SERINC2: variants seen among roughly 807,000 people sequenced by gnomAD.
SERINC2 encodes the protein serine incorporator 2, also known as tumor differentially expressed protein 2.
A neutral mutation model predicts 54.2 loss-of-function variants in SERINC2; 56 were observed. The observed-to-expected ratio is 1.03, with a 90% CI of 0.83 to 1.29. The LOEUF is 1.29. Among genes scored for constraint, SERINC2 ranks in the 50% most tolerant of loss-of-function variants. The pLI, the probability that SERINC2 is intolerant of heterozygous loss-of-function variation, is 0.00. For synonymous variants in SERINC2, 272 were observed against 253.1 expected (o/e 1.07, Z -0.71); for missense variants, 614 against 607.4 (o/e 1.01, Z -0.12).
At chr1:31,432,388 C>A (rs1414159462) in intron 8 of SERINC2, among the ~76,000 whole-genome samples, 1 of 152,032 alleles carries the variant, frequency 6.6e-6, no homozygotes, top group Non-Finnish European at 1.5e-5. Context: ...CATCAAGGCT[C>A]ATCACAGAAA....
At chr1:31,416,523 CCTCTT>C (rs1411489126) in intron 1 of SERINC2, among the ~76,000 whole-genome samples, 118 of 152,338 alleles carry the variant, frequency 7.7e-4, no homozygotes, top group African/African-American at 2.5e-3. Flanking sequence ...TTCCGGCTGA[CCTCTT>C]CTCTGCTGTG....
chr1:31,417,137 C>T (rs1406278519), intron 1 of SERINC2, among the ~76,000 whole-genome samples: 3 of 152,168 alleles, frequency 2.0e-5, no homozygotes, highest in Admixed American at 6.6e-5. Flanking sequence ...CTAAGGCACA[C>T]GGTAACTCCA....
intron 1 of SERINC2, chr1:31,414,807 G>C: frequency 1.0e-6 from 1 of 984,886 alleles, no homozygotes; most frequent in Non-Finnish European, 1.2e-6. Flanking sequence ...GGGCTGGCCT[G>C]GGGGTGGAGA....
Position 31,434,069 on chromosome 1 carries a change from G to A in SERINC2, c.1238G>A (p.Gly413Asp). 2 of 1,613,842 alleles carry A rather than the reference G, an allele frequency of 1.2e-6. No individual in the cohort carries two copies. The highest frequency in any genetic ancestry group is 4.5e-5 in the East Asian group (2 of 44,882). The part of the protein sequence containing the change: ...MMTLTNWYKP[G>D]ETRKMISTWT... ...GGGAAGATGGTGTGTTCCAGGCCCG[G>A]TGAGACCCGGAAGATGATCAGCACG... The change falls in exon 10 of 10, where the codon GGT becomes GAT. Residue 413 changes from glycine (G) to aspartate (D), a missense_variant. Coordinates refer to ENST00000373709, the MANE Select transcript of SERINC2 (RefSeq NM_178865.5).
upstream of SERINC2, chr1:31,413,157 G>GCGGGGCCGGGGCGGGGC (rs372556679): frequency 2.0e-6 from 2 of 1,000,770 alleles, no homozygotes; most frequent in Admixed American, 5.9e-5. The surrounding 1 kb of genome is among the most constrained non-coding windows in gnomAD (Gnocchi z 5.0). Context: ...GGTAGGTGGG[G>GCGGGGCCGGGGCGGGGC]CGGGGCCGGG....
chr1:31,413,064 T>C, upstream of SERINC2: 1 of 847,374 alleles, frequency 1.2e-6, no homozygotes, highest in Non-Finnish European at 1.4e-6. The surrounding 1 kb of genome is among the most constrained non-coding windows in gnomAD (Gnocchi z 5.0). Flanking sequence ...GACCGGCCCC[T>C]TCCCTAGGGT....
intron 2 of SERINC2, 132 bp from the exon 3 acceptor site, chr1:31,424,551 G>T (rs1640981719): frequency 1.4e-6 from 1 of 712,940 alleles, no homozygotes; most frequent in Non-Finnish European, 2.3e-6. Flanking sequence ...TCCCCTCCCT[G>T]TCTGGTCCAG....
At chr1:31,414,924 T>C in intron 1 of SERINC2, 1 of 227,322 alleles carries the variant, frequency 4.4e-6, no homozygotes, top group Non-Finnish European at 7.3e-6. Context: ...GCACAGTTCC[T>C]GGCATATCGT....
upstream of SERINC2, chr1:31,410,358 G>T: frequency 6.5e-7 from 1 of 1,548,456 alleles, no homozygotes; most frequent in Non-Finnish European, 8.7e-7. Flanking sequence ...GATAGCTGGG[G>T]TAAAAAAACT....
intron 8 of SERINC2, among the ~76,000 whole-genome samples, chr1:31,431,791 G>A (rs1345503829): frequency 3.6e-4 from 52 of 144,098 alleles, no homozygotes; most frequent in Middle Eastern, 3.5e-3. Flanking sequence ...GGTGGATAGG[G>A]TGGATAGGGT....
rs782238817 is a variant in SERINC2, at chr1:31,429,427, A to G, written c.902A>G (p.Gln301Arg). Reference sequence around the variant, plus strand: ...AAATGCAACCCCCATTTGCCAACCCAGCTGGGCAACGAGACAGTTGTGGCA... The same window carrying G: ...AAATGCAACCCCCATTTGCCAACCCGGCTGGGCAACGAGACAGTTGTGGCA... ...EQKCNPHLPTQLGNETVVAGP... is the reference protein window; with the variant it reads ...EQKCNPHLPTRLGNETVVAGP... The change falls in exon 8 of 10, where the codon CAG becomes CGG. Residue 301 changes from glutamine (Q) to arginine (R), a missense_variant. Physicochemically the swap from Gln to Arg is conservative, Grantham distance 43. Transcript: ENST00000373709. 1.9e-6 allele frequency: 3 copies of G among 1,613,736 alleles called. No individual in the cohort carries two copies. Among genetic ancestry groups the G allele is most frequent in the Middle Eastern group, 1.7e-4 (1 of 6,058 alleles).
At chr1:31,427,380 G>A (rs1409867951) in intron 6 of SERINC2, among the ~76,000 whole-genome samples, 2 of 152,172 alleles carry the variant, frequency 1.3e-5, no homozygotes, top group Non-Finnish European at 2.9e-5. Context: ...TGTGGTTTGA[G>A]ATCTCAGCAC....
At chr1:31,432,102 C>CAGGGTGGAGAGGGTGGAGAGGGTGGAG (rs1641285844) in intron 8 of SERINC2, among the ~76,000 whole-genome samples, 1 of 13,122 alleles carries the variant, frequency 7.6e-5, no homozygotes, top group Non-Finnish European at 1.4e-4. Flanking sequence ...ACAGGGTGGA[C>CAGGGTGGAGAGGGTGGAGAGGGTGGAG]AGGGTGGATA....
At chr1:31,425,627 C>G (rs1641020173) in intron 4 of SERINC2, 149 bp from the exon 5 acceptor site, 1 of 1,079,046 alleles carries the variant, frequency 9.3e-7, no homozygotes, top group Non-Finnish European at 1.4e-6. Context: ...GACCCATATC[C>G]TGCCCTCTGT....
intron 1 of SERINC2, among the ~76,000 whole-genome samples, chr1:31,422,901 A>G (rs1229721211): frequency 6.6e-6 from 1 of 152,216 alleles, no homozygotes; most frequent in Non-Finnish European, 1.5e-5. Flanking sequence ...GGAGAGGGAA[A>G]GGGTTAGACC....
chr1:31,413,395 C>A lies in SERINC2; in HGVS notation c.39+91C>A. On this transcript the variant is annotated intron_variant, in intron 1 of 9. Transcript: ENST00000373709. This position sits in a 1 kb window ranked among gnomAD's most constrained non-coding sequence, Gnocchi z 5.0. ...TCTGTTCTGCTCCGAGTAGTTTCTT[C>A]TTTTTCCTTCCTGCAAACTTGTCTT... 1.4e-6 allele frequency: 1 copy of A among 715,088 alleles called. No individual in the cohort carries two copies. The highest frequency in any genetic ancestry group is 1.9e-6 in the Non-Finnish European group (1 of 523,348). 44.3% of individuals were successfully genotyped at this position (715,088 alleles called of 1,614,324 possible).
At chr1:31,425,558 G>T in intron 4 of SERINC2, 149 bp downstream of exon 4, 1 of 883,122 alleles carries the variant, frequency 1.1e-6, no homozygotes. Context: ...AGACAGCACT[G>T]TGGTGCTTGG....
chr1:31,429,633 C>T lies in SERINC2; in HGVS notation c.1013+95C>T, dbSNP rs183279537. 1,754 of 1,334,400 alleles carry T rather than the reference C, an allele frequency of 1.3e-3. 4 individuals carry two copies. The highest frequency in any genetic ancestry group is 1.6e-3 in the Non-Finnish European group (1,559 of 969,622). 82.7% of individuals were successfully genotyped at this position (1,334,400 alleles called of 1,614,324 possible). ...TGGGAGCCAGGATACCAAACTGGAA[C>T]GTGCTCTTCACATTCAATATATCCA... is the stretch of plus-strand genomic sequence containing the variant. On this transcript the variant is annotated intron_variant, in intron 8 of 9. Coordinates refer to ENST00000373709, the MANE Select transcript of SERINC2 (RefSeq NM_178865.5).
In SERINC2 at chr1:31,431,836, G is replaced by A. The variant is rs1553134536; in HGVS notation, c.1014-1131G>A. Among the ~76,000 whole-genome samples, 360 of 145,568 alleles carry A rather than the reference G, an allele frequency of 2.5e-3. 7 individuals are homozygous for A. The highest frequency in any genetic ancestry group is 4.0e-3 in the South Asian group (18 of 4,530). On this transcript the variant is annotated intron_variant, in intron 8 of 9. Transcript: ENST00000373709. ...GGACAGGGTGGATAGGGTGGATAGG[G>A]TGGATAGGGTGGATAGGGTGGATAG...
Sources: allele counts gnomAD v4.1 joint callset (sites outside exome capture counted in the v4.1 genomes callset), GRCh38; gene constraint gnomAD v4.1.1; non-coding constraint Gnocchi (gnomAD v3.1); transcripts MANE v1.5; gene names NCBI Gene and HGNC (gene_info 2026-07-23, HGNC 2026-07-21).